TENT5D: variants seen among roughly 807,000 people sequenced by gnomAD.
TENT5D encodes terminal nucleotidyltransferase 5D.
For synonymous variants in TENT5D, 103 were observed against 100.6 expected (o/e 1.02, Z -0.15); for missense variants, 191 against 287.0 (o/e 0.67, Z 2.42).
intron 3 of TENT5D, among the ~76,000 whole-genome samples, chrX:80,367,365 A>T (rs912514433): frequency 9.0e-6 from 1 of 111,701 alleles, no homozygotes; most frequent in Admixed American, 9.6e-5. Context: ...GATGGTGTAG[A>T]GAAAAGGGAA....
At chrX:80,376,953 G>C (rs186993398) in intron 3 of TENT5D, among the ~76,000 whole-genome samples, 2 of 111,440 alleles carry the variant, frequency 1.8e-5, no homozygotes, top group Middle Eastern at 4.6e-3. Context: ...GAGTCAGGGA[G>C]AGGACACTAT....
rs752242665 is a variant in TENT5D, at chrX:80,365,430, A to C, written c.-142+22866A>C. On this transcript the variant is annotated intron_variant, in intron 3 of 4. Transcript: ENST00000538312. ...AAGAAACATCAGAATCATCCACTGC[A>C]TATGTTTTCATGGCTTGGTGTTTAC... Among the ~76,000 whole-genome samples the C allele has an allele frequency of 6.3e-5, 7 of 111,715 alleles. No homozygotes were observed. In the South Asian group the frequency reaches 2.2e-3, roughly 36 times the overall value.
chrX:80,341,771 G>T (rs1929962471), intron 2 of TENT5D, among the ~76,000 whole-genome samples: 1 of 101,711 alleles, frequency 9.8e-6, no homozygotes, highest in African/African-American at 3.6e-5. Context: ...GAGTGCAGTG[G>T]CGCGATCTCG....
exon 3 of TENT5D, chrX:80,442,662 A>G (rs755654386): frequency 8.3e-7 from 1 of 1,211,027 alleles, no homozygotes; most frequent in South Asian, 1.8e-5. Flanking sequence ...TAAAACCAAA[A>G]GACATCATTC....
chrX:80,380,697 CT>C (rs780447779), intron 3 of TENT5D, among the ~76,000 whole-genome samples: 1 of 111,599 alleles, frequency 9.0e-6, no homozygotes, highest in East Asian at 2.8e-4. Context: ...GAATAGATCC[CT>C]TTACCATTAT....
At chrX:80,417,052 C>A, upstream of TENT5D, among the ~76,000 whole-genome samples, 1 of 111,408 alleles carries the variant, frequency 9.0e-6, no homozygotes. Flanking sequence ...ACTACTATAT[C>A]ATTTCCTGAT....
chrX:80,420,824 A>T (rs1463502010), intron 1 of TENT5D, among the ~76,000 whole-genome samples: 1 of 112,129 alleles, frequency 8.9e-6, no homozygotes. Context: ...GATAAAAGAC[A>T]TAACTGATAC....
chrX:80,435,080 GC>G (rs1932159884), intron 1 of TENT5D, among the ~76,000 whole-genome samples: 1 of 110,991 alleles, frequency 9.0e-6, no homozygotes, highest in African/African-American at 3.3e-5. Flanking sequence ...ACCGCGCCCA[GC>G]CCCCTTCTGA....
chrX:80,372,052 T>C (rs924087680), intron 3 of TENT5D, among the ~76,000 whole-genome samples: 4 of 111,344 alleles, frequency 3.6e-5, no homozygotes, highest in Admixed American at 9.7e-5. Context: ...AAAGAGCAAA[T>C]TCCCTGAAGT....
exon 2 of TENT5D, chrX:80,335,663 C>T (rs911358519): frequency 8.9e-6 from 1 of 112,071 alleles, no homozygotes; most frequent in African/African-American, 3.2e-5. Context: ...TCACTCTGTC[C>T]TTGGCCCCTC....
intron 3 of TENT5D, among the ~76,000 whole-genome samples, chrX:80,377,379 T>TC (rs1001908510): frequency 9.0e-6 from 1 of 110,916 alleles, no homozygotes; most frequent in Non-Finnish European, 1.9e-5. Flanking sequence ...ATACTATCCC[T>TC]CCCCCATATA....
chrX:80,383,371 T>C (rs1930916710), intron 3 of TENT5D, among the ~76,000 whole-genome samples: 1 of 111,829 alleles, frequency 8.9e-6, no homozygotes, highest in Non-Finnish European at 1.9e-5. Context: ...CACAAATTAC[T>C]CAGTCTCCAG....
chrX:80,368,552 A>G (rs1374295948), intron 3 of TENT5D, among the ~76,000 whole-genome samples: 1 of 111,550 alleles, frequency 9.0e-6, no homozygotes, highest in Non-Finnish European at 1.9e-5. Flanking sequence ...AGAATTATTT[A>G]TTGCAGTCAA....
chrX:80,357,684 C>G (rs1339617008), intron 3 of TENT5D, among the ~76,000 whole-genome samples: 1 of 111,025 alleles, frequency 9.0e-6, no homozygotes, highest in African/African-American at 3.3e-5. Context: ...GAGTAGATTG[C>G]AAATCCATGC....
rs966284467 is a variant in TENT5D at position 80,375,029 on chromosome X, CCTGT to C, written c.-142+32469_-142+32472del. ...ACAATTATTCTATTGTCTATATAAA[CCTGT>C]CTGATTTTTTCATTTCCTCCCACAT... is the stretch of plus-strand genomic sequence containing the variant. On this transcript the variant is annotated intron_variant, in intron 3 of 4. Transcript: ENST00000538312. Among the ~76,000 whole-genome samples the C allele has an allele frequency of 3.6e-5, 4 of 111,072 alleles. 1 individual carries two copies. Among genetic ancestry groups the C allele is most frequent in the African/African-American group, 1.3e-4 (4 of 30,622 alleles).
intron 3 of TENT5D, among the ~76,000 whole-genome samples, chrX:80,397,335 G>A (rs1265742717): frequency 1.9e-5 from 2 of 107,419 alleles, no homozygotes; most frequent in African/African-American, 3.4e-5. Flanking sequence ...GACGATGGGC[G>A]GCCGGGCAGA....
chrX:80,386,595 C>A (rs1451964975), intron 3 of TENT5D, among the ~76,000 whole-genome samples: 1 of 110,770 alleles, frequency 9.0e-6, no homozygotes, highest in East Asian at 2.8e-4. Flanking sequence ...AATAAAATAG[C>A]AAAACTTGGT....
intron 3 of TENT5D, among the ~76,000 whole-genome samples, chrX:80,406,252 A>G (rs1267029208): frequency 3.6e-5 from 4 of 112,408 alleles, no homozygotes; most frequent in Admixed American, 1.9e-4. Context: ...TGGATGGAGA[A>G]TGACTTCGAC....
At chrX:80,415,846 T>G (rs1425861672), upstream of TENT5D, among the ~76,000 whole-genome samples, 1 of 112,102 alleles carries the variant, frequency 8.9e-6, no homozygotes. Flanking sequence ...CCTCAGTTTT[T>G]GGGACTGGTT....
Sources: allele counts gnomAD v4.1 joint callset (sites outside exome capture counted in the v4.1 genomes callset), GRCh38; gene constraint gnomAD v4.1.1; transcripts MANE v1.5; gene names NCBI Gene and HGNC (gene_info 2026-07-23, HGNC 2026-07-21).